NSMCE2: variants seen among roughly 807,000 people sequenced by gnomAD.
NSMCE2 encodes E3 SUMO-protein ligase NSE2.
Under a neutral mutation model 23.8 loss-of-function variants are expected in NSMCE2, and 24 were observed. The ratio of observed to expected loss-of-function variants is 1.01; its 90% CI spans 0.73 to 1.42. The LOEUF is 1.42. Among genes scored for constraint, NSMCE2 ranks in the 40% most tolerant of loss-of-function variants. The pLI, the probability that NSMCE2 is intolerant of heterozygous loss-of-function variation, is 0.00. For synonymous variants in NSMCE2, 92 were observed against 94.1 expected, an observed-to-expected ratio of 0.98 and a Z score of 0.13; for missense variants, 284 against 296.5, an observed-to-expected ratio of 0.96 and a Z score of 0.31.
chr8:125,153,980 T>C (rs911342186), intron 4 of NSMCE2, among the ~76,000 whole-genome samples: 1 of 152,222 alleles, frequency 6.6e-6, no homozygotes, highest in African/African-American at 2.4e-5. Context: ...TATAGGCTAC[T>C]TAAATTATTG....
intron 5 of NSMCE2, among the ~76,000 whole-genome samples, chr8:125,356,219 T>G (rs773233094): frequency 3.3e-5 from 5 of 150,132 alleles, no homozygotes; most frequent in Non-Finnish European, 7.4e-5. Context: ...CTTCTCATTA[T>G]GTATGTCTGT....
At chr8:125,276,049 G>A (rs1409958192) in intron 5 of NSMCE2, among the ~76,000 whole-genome samples, 2 of 152,190 alleles carry the variant, frequency 1.3e-5, no homozygotes, top group Admixed American at 1.3e-4. Context: ...TGGGTCTTCT[G>A]TCCTGCTGTA....
intron 5 of NSMCE2, among the ~76,000 whole-genome samples, chr8:125,341,397 T>G (rs529220581): frequency 2.0e-5 from 3 of 152,332 alleles, no homozygotes; most frequent in South Asian, 4.1e-4. Context: ...CCTTTCTTGC[T>G]TCCTCTGTTT....
At chr8:125,321,792 G>A (rs1829469412) in intron 5 of NSMCE2, among the ~76,000 whole-genome samples, 2 of 152,096 alleles carry the variant, frequency 1.3e-5, no homozygotes, top group Admixed American at 1.3e-4. Context: ...AGAAAAATCA[G>A]GCCAGGCACA....
rs114023460 is a variant in NSMCE2, at chr8:125,147,755, G to A, written c.158-3416G>A. ...CACCCCAACCCCCAGCAACTTTTTA[G>A]TCAGTAACTCTGTGTTTCTGTGTTT... On this transcript the variant is annotated intron_variant, in intron 3 of 7. Transcript: ENST00000287437. Among the ~76,000 whole-genome samples the A allele has an allele frequency of 5.6e-3, 851 of 152,272 alleles. 10 individuals carry two copies. Among genetic ancestry groups the A allele is most frequent in the African/African-American group, 0.019 (801 of 41,570 alleles).
intron 5 of NSMCE2, among the ~76,000 whole-genome samples, chr8:125,353,694 C>T (rs1334999052): frequency 6.6e-6 from 1 of 151,718 alleles, no homozygotes; most frequent in Non-Finnish European, 1.5e-5. Flanking sequence ...ACCAGCGTGG[C>T]CAACATGGCG....
At chr8:125,207,769 G>A (rs1006088675) in intron 5 of NSMCE2, among the ~76,000 whole-genome samples, 3 of 152,228 alleles carry the variant, frequency 2.0e-5, no homozygotes, top group African/African-American at 7.2e-5. Flanking sequence ...GAGCTTCTGC[G>A]CCTAGAATGT....
chr8:125,320,295 A>G (rs1829396505), intron 5 of NSMCE2, among the ~76,000 whole-genome samples: 1 of 120,004 alleles, frequency 8.3e-6, no homozygotes, highest in Non-Finnish European at 1.8e-5. Flanking sequence ...GAAGGAAGGA[A>G]GGAAGGAAGG....
intron 3 of NSMCE2, among the ~76,000 whole-genome samples, chr8:125,117,965 C>T (rs1819095453): frequency 6.6e-6 from 1 of 152,062 alleles, no homozygotes; most frequent in African/African-American, 2.4e-5. Context: ...ATTTTTGAAC[C>T]TAATTTTTAA....
intron 3 of NSMCE2, chr8:125,127,144 A>T (rs1028749206): frequency 6.6e-6 from 1 of 152,222 alleles, no homozygotes; most frequent in African/African-American, 2.4e-5. Flanking sequence ...TCTCCTTTTC[A>T]TGGTTCCTGG....
At chr8:125,227,377 G>A (rs1381731267) in intron 5 of NSMCE2, among the ~76,000 whole-genome samples, 1 of 152,168 alleles carries the variant, frequency 6.6e-6, no homozygotes, top group East Asian at 1.9e-4. Flanking sequence ...TGTCAGTAGC[G>A]TGACTGCAGC....
chr8:125,122,989 G>A (rs1276771257), intron 3 of NSMCE2, among the ~76,000 whole-genome samples: 1 of 152,108 alleles, frequency 6.6e-6, no homozygotes, highest in Non-Finnish European at 1.5e-5. Context: ...CTCATCCGTG[G>A]TCTAGAGAAG....
At chr8:125,111,265 GAATAACTGACCTTTTACATTTGC>G (rs1250374059) in intron 3 of NSMCE2, among the ~76,000 whole-genome samples, 4 of 152,164 alleles carry the variant, frequency 2.6e-5, no homozygotes, top group African/African-American at 4.8e-5. Context: ...CTGCCCTCAT[GAATAACTGACCTTTTACATTTGC>G]AAATGTTAAG....
intron 5 of NSMCE2, 86 bp downstream of exon 5, chr8:125,182,342 A>T: frequency 2.0e-6 from 2 of 1,024,044 alleles, no homozygotes; most frequent in Non-Finnish European, 3.0e-6. Flanking sequence ...GATTTTATAA[A>T]GTTTGCTTAT....
intron 5 of NSMCE2, among the ~76,000 whole-genome samples, chr8:125,305,876 G>T (rs1333253285): frequency 6.6e-6 from 1 of 152,128 alleles, no homozygotes; most frequent in African/African-American, 2.4e-5. Context: ...CTAGTGGAGA[G>T]GCTTAGTAAA....
At chr8:125,217,834 A>G (rs1824669358) in intron 5 of NSMCE2, among the ~76,000 whole-genome samples, 1 of 151,262 alleles carries the variant, frequency 6.6e-6, no homozygotes, top group Non-Finnish European at 1.5e-5. Flanking sequence ...TTGCTTGCTG[A>G]CCCAGCCTTT....
intron 5 of NSMCE2, among the ~76,000 whole-genome samples, chr8:125,325,515 A>AT (rs1249405426): frequency 9.9e-5 from 15 of 151,996 alleles, no homozygotes; most frequent in East Asian, 1.9e-4. Flanking sequence ...ACACCTGGCT[A>AT]ATTTTTTTTT....
Position 125,151,270 on chromosome 8 carries a change from T to C in NSMCE2, c.257T>C (p.Ile86Thr). ...NHYVKAVQST[I>T]NHVKEERPEK... ...TATGTAAAGGCTGTTCAATCTACAA[T>C]AAATCATGTAAGTTTATACCACTCC... Residue 86 changes from isoleucine to threonine, a missense_variant, in exon 4 of 8, where the codon ATA becomes ACA. Around this residue, in one of 2 missense-constraint regions of NSMCE2, gnomAD observed 182 missense variants for 155.5 expected, o/e 1.17. Coordinates refer to ENST00000287437, the MANE Select transcript of NSMCE2 (RefSeq NM_173685.4). 1.9e-6 allele frequency: 3 copies of C among 1,549,098 alleles called. No individual in the cohort carries two copies. Among genetic ancestry groups the C allele is most frequent in the Non-Finnish European group, 2.7e-6 (3 of 1,122,320 alleles).
intron 3 of NSMCE2, among the ~76,000 whole-genome samples, chr8:125,138,263 A>T (rs988358689): frequency 2.6e-5 from 4 of 152,122 alleles, no homozygotes; most frequent in Non-Finnish European, 5.9e-5. Flanking sequence ...AATCTCTGTC[A>T]CTCAGGATGG....
Sources: allele counts gnomAD v4.1 joint callset (sites outside exome capture counted in the v4.1 genomes callset), GRCh38; gene constraint gnomAD v4.1.1; regional missense constraint gnomAD v4.1.1; transcripts MANE v1.5; gene names NCBI Gene and HGNC (gene_info 2026-07-23, HGNC 2026-07-21).